The following WIPF3 variants were observed in gnomAD, a reference collection of about 807,000 sequenced individuals.
The protein encoded by WIPF3 is WAS/WASL interacting protein family member 3, also known as WAS/WASL-interacting protein family member 3.
In WIPF3, 33 loss-of-function variants were observed where a neutral mutation model predicts 38.9. The observed-to-expected ratio is 0.85, with a 90% CI of 0.64 to 1.14. WIPF3 has a LOEUF of 1.14. Ranked by LOEUF, WIPF3 falls within the 50% of genes most tolerant of loss-of-function variation. The pLI, the probability that WIPF3 is intolerant of heterozygous loss-of-function variation, is 0.00. For synonymous variants in WIPF3, 324 were observed against 269.3 expected, an observed-to-expected ratio of 1.20 and a Z score of -1.99; for missense variants, 711 against 652.5, an observed-to-expected ratio of 1.09 and a Z score of -0.98.
chr7:29,847,061 C>T (rs1017882636), intron 2 of WIPF3, among the ~76,000 whole-genome samples: 2 of 152,228 alleles, frequency 1.3e-5, no homozygotes, highest in Non-Finnish European at 2.9e-5. Context: ...CACAATGCAT[C>T]TTTAATGCCC....
At chr7:29,872,611 G>A (rs1327922589) in intron 2 of WIPF3, among the ~76,000 whole-genome samples, 1 of 151,728 alleles carries the variant, frequency 6.6e-6, no homozygotes, top group African/African-American at 2.4e-5. Context: ...GGCTAACACC[G>A]TAAAACCCCG....
chr7:29,828,527 A>G (rs1271243363), intron 1 of WIPF3, among the ~76,000 whole-genome samples: 2 of 152,194 alleles, frequency 1.3e-5, no homozygotes, highest in Non-Finnish European at 2.9e-5. Flanking sequence ...TTTAAATTAC[A>G]TACCCAGATT....
intron 1 of WIPF3, among the ~76,000 whole-genome samples, chr7:29,830,962 G>A (rs996684807): frequency 6.6e-6 from 1 of 152,114 alleles, no homozygotes; most frequent in African/African-American, 2.4e-5. Context: ...CAGTACTCAC[G>A]GTGCTTTTGT....
chr7:29,837,576 C>G (rs1311375547), intron 2 of WIPF3, among the ~76,000 whole-genome samples: 1 of 152,142 alleles, frequency 6.6e-6, no homozygotes, highest in Non-Finnish European at 1.5e-5. Flanking sequence ...CTTCATTTCT[C>G]TCTCTCTTTC....
At chr7:29,852,432 T>C (rs1365628608) in intron 2 of WIPF3, among the ~76,000 whole-genome samples, 3 of 152,238 alleles carry the variant, frequency 2.0e-5, no homozygotes, top group Non-Finnish European at 2.9e-5. Flanking sequence ...TGAGATTTCA[T>C]AGGAAAACTC....
At chr7:29,902,477 A>G (rs1485164938) in intron 7 of WIPF3, among the ~76,000 whole-genome samples, 1 of 152,022 alleles carries the variant, frequency 6.6e-6, no homozygotes, top group Admixed American at 6.6e-5. Flanking sequence ...AAAAAATTGT[A>G]CCTTACCTTA....
chr7:29,906,485 A>G (rs1281404053), intron 8 of WIPF3, among the ~76,000 whole-genome samples: 1 of 152,202 alleles, frequency 6.6e-6, no homozygotes, highest in Non-Finnish European at 1.5e-5. Context: ...TTATTGAGTC[A>G]GAAGAACAGA....
chr7:29,914,408 C>G, intron 8 of WIPF3, 85 bp from the exon 9 acceptor site: 3 of 1,146,734 alleles, frequency 2.6e-6, no homozygotes, highest in Non-Finnish European at 3.5e-6. Context: ...CGGGGCCCAG[C>G]CTGTTTGGGG....
chr7:29,850,722 C>A (rs1785080559), intron 2 of WIPF3, among the ~76,000 whole-genome samples: 2 of 152,162 alleles, frequency 1.3e-5, no homozygotes, highest in Non-Finnish European at 2.9e-5. Context: ...TGGAGACTCA[C>A]CAATAAACAT....
rs574123876 is a variant in WIPF3 at position 29,857,718 on chromosome 7, T to C, written c.91-18112T>C. On this transcript the variant is annotated intron_variant, in intron 2 of 8. Transcript: ENST00000242140. Reference sequence around the variant, plus strand: ...CTTTAATGTATGATTTTCTTTAAACTATTCCATGTAAACATTGAATATATC... The same window carrying C: ...CTTTAATGTATGATTTTCTTTAAACCATTCCATGTAAACATTGAATATATC... 3.9e-5 allele frequency among the ~76,000 whole-genome samples: 6 copies of C among 152,196 alleles called. No individual in the cohort carries two copies. The South Asian group carries it at 6.2e-4, about 16-fold the overall frequency.
At chr7:29,854,237 G>A (rs1171998957) in intron 2 of WIPF3, among the ~76,000 whole-genome samples, 2 of 152,194 alleles carry the variant, frequency 1.3e-5, no homozygotes, top group Non-Finnish European at 2.9e-5. Context: ...ATTAATGTAA[G>A]AAGAATTTTA....
At chr7:29,807,475 C>T (rs1784301017) in intron 1 of WIPF3, among the ~76,000 whole-genome samples, 1 of 152,198 alleles carries the variant, frequency 6.6e-6, no homozygotes, top group African/African-American at 2.4e-5. Context: ...CACCCGGCCG[C>T]CCTGGACCTG....
chr7:29,872,439 C>G (rs2128072732), intron 2 of WIPF3, among the ~76,000 whole-genome samples: 1 of 152,238 alleles, frequency 6.6e-6, no homozygotes, highest in South Asian at 2.1e-4. Flanking sequence ...TCGCTTTTGC[C>G]ACAAAATTGT....
intron 5 of WIPF3, among the ~76,000 whole-genome samples, chr7:29,884,924 G>A (rs1317549108): frequency 6.6e-6 from 1 of 152,196 alleles, no homozygotes; most frequent in Non-Finnish European, 1.5e-5. Flanking sequence ...GCTTGGAACA[G>A]GGCAACAGTG....
At chr7:29,870,744 A>C (rs1439547294) in intron 2 of WIPF3, among the ~76,000 whole-genome samples, 2 of 152,198 alleles carry the variant, frequency 1.3e-5, no homozygotes, top group Non-Finnish European at 2.9e-5. Flanking sequence ...TGTACACTGT[A>C]CTGTTTAAGA....
At chr7:29,882,516 T>A (rs1034631280) in intron 4 of WIPF3, among the ~76,000 whole-genome samples, 7 of 152,212 alleles carry the variant, frequency 4.6e-5, no homozygotes, top group Non-Finnish European at 1.0e-4. Flanking sequence ...GAGGGGCTCA[T>A]ATTTGGAAAG....
intron 1 of WIPF3, among the ~76,000 whole-genome samples, chr7:29,821,662 G>A (rs1438350013): frequency 1.3e-5 from 2 of 152,304 alleles, no homozygotes; most frequent in Admixed American, 6.5e-5. Flanking sequence ...GATATTATGT[G>A]TTTGAATATT....
At chr7:29,891,382 G>A (rs1247528956) in intron 7 of WIPF3, among the ~76,000 whole-genome samples, 1 of 152,232 alleles carries the variant, frequency 6.6e-6, no homozygotes, top group Non-Finnish European at 1.5e-5. Flanking sequence ...CCTGCCTTGT[G>A]CTCAGGTGGA....
rs371958783 is a variant in WIPF3, at chr7:29,908,860, A to C, written c.1428+4498A>C. Among the ~76,000 whole-genome samples the C allele has an allele frequency of 1.1e-4, 16 of 150,104 alleles. No individual in the cohort carries two copies. The East Asian group carries it at 2.6e-3, about 24-fold the overall frequency. On this transcript the variant is annotated intron_variant, in intron 8 of 8. Coordinates refer to ENST00000242140, the MANE Select transcript of WIPF3 (RefSeq NM_001080529.3). ...GAGACAGAGGTTGCAGTAAGCCAAG[A>C]CCGTGCCATTGCACTCTAGCCTGGG... is the stretch of plus-strand genomic sequence containing the variant.
Sources: allele counts gnomAD v4.1 joint callset (sites outside exome capture counted in the v4.1 genomes callset), GRCh38; gene constraint gnomAD v4.1.1; transcripts MANE v1.5; gene names NCBI Gene and HGNC (gene_info 2026-07-23, HGNC 2026-07-21).